Variants in RBBP8 observed in about 807,000 individuals in gnomAD.
RBBP8 encodes DNA endonuclease RBBP8.
In RBBP8, 88 loss-of-function variants were observed where a neutral mutation model predicts 108.3. That is an observed-to-expected ratio of 0.81 (90% CI 0.68 to 0.97). The LOEUF (loss-of-function observed/expected upper bound fraction) is 0.97, where lower values mean the gene tolerates loss of function less well. RBBP8 is among the 50% of genes least tolerant of loss of function. RBBP8 has a pLI of 0.00. For missense variants in RBBP8, 1,023 were observed against 1,049.0 expected, an observed-to-expected ratio of 0.98 and a Z score of 0.34; for synonymous variants, 332 against 348.2, an observed-to-expected ratio of 0.95 and a Z score of 0.52.
chr18:22,931,692 A>G (rs1335938181), upstream of RBBP8, among the ~76,000 whole-genome samples: 2 of 152,122 alleles, frequency 1.3e-5, no homozygotes, highest in African/African-American at 4.8e-5. Flanking sequence ...ATTATCCTCA[A>G]TTTACAGGTA....
At chr18:22,976,399 C>G (rs1318619701) in intron 6 of RBBP8, among the ~76,000 whole-genome samples, 1 of 152,130 alleles carries the variant, frequency 6.6e-6, no homozygotes, top group South Asian at 2.1e-4. Flanking sequence ...CACAGATCCA[C>G]AATCTGTTAC....
chr18:23,011,060 T>C (rs1490924732), intron 16 of RBBP8, among the ~76,000 whole-genome samples: 1 of 152,234 alleles, frequency 6.6e-6, no homozygotes, highest in South Asian at 2.1e-4. Context: ...TGGTTTCCCT[T>C]TTCTAATTCA....
chr18:22,938,675 T>C (rs1910786698), intron 2 of RBBP8, among the ~76,000 whole-genome samples: 1 of 152,248 alleles, frequency 6.6e-6, no homozygotes, highest in Non-Finnish European at 1.5e-5. Context: ...TCTGATTTCA[T>C]TTACCCACTT....
At chr18:22,959,388 T>C (rs1912871952) in intron 4 of RBBP8, among the ~76,000 whole-genome samples, 1 of 152,210 alleles carries the variant, frequency 6.6e-6, no homozygotes, top group Non-Finnish European at 1.5e-5. Context: ...CTGAAATTTT[T>C]CCTTGTTCTG....
chr18:22,990,783 C>T (rs1915627154), intron 9 of RBBP8, among the ~76,000 whole-genome samples, 154 bp from the exon 10 acceptor site: 1 of 152,186 alleles, frequency 6.6e-6, no homozygotes, highest in Non-Finnish European at 1.5e-5. Context: ...CTGAATATTT[C>T]ATATAAATGG....
chr18:23,013,465 A>G (rs781628276), intron 16 of RBBP8, among the ~76,000 whole-genome samples: 18 of 152,178 alleles, frequency 1.2e-4, no homozygotes, highest in African/African-American at 3.4e-4. Flanking sequence ...GTCAGAATGT[A>G]GGGTCTGAAA....
chr18:22,945,611 T>C (rs1241479489), intron 2 of RBBP8, among the ~76,000 whole-genome samples: 5 of 152,094 alleles, frequency 3.3e-5, no homozygotes, highest in African/African-American at 9.7e-5. Flanking sequence ...TCGGAACTCT[T>C]GACCTCGGGT....
intron 12 of RBBP8, among the ~76,000 whole-genome samples, chr18:22,995,527 G>A (rs911188464): frequency 2.0e-5 from 3 of 152,116 alleles, no homozygotes; most frequent in African/African-American, 7.2e-5. Flanking sequence ...AACCATCACT[G>A]TAGTCTAGGT....
intron 18 of RBBP8, among the ~76,000 whole-genome samples, chr18:23,023,062 CTT>C (rs111634268): frequency 6.8e-6 from 1 of 146,580 alleles, no homozygotes; most frequent in African/African-American, 2.5e-5. Flanking sequence ...ATACCCAGCA[CTT>C]TTTTTTTTTT....
At position 22,966,694 on chromosome 18, in the gene RBBP8, C is replaced by CCA. The variant is rs554006025; in HGVS notation, c.249-2109_249-2108dup. The stretch of plus-strand genomic sequence containing the variant: ...GGCATATGCTACCATGCTGTGACTT[C>CCA]CACAGACACTTAAATACTTACTATC... On this transcript the variant is annotated intron_variant, in intron 4 of 18. Transcript: ENST00000327155. Among the ~76,000 whole-genome samples, 37 of 149,626 alleles carry CCA rather than the reference C, an allele frequency of 2.5e-4. No individual in the cohort carries two copies. In the South Asian group the frequency reaches 7.6e-3, roughly 31 times the overall value.
intron 18 of RBBP8, among the ~76,000 whole-genome samples, chr18:23,022,611 A>ATAAAG: frequency 1.1e-5 from 1 of 90,800 alleles, no homozygotes; most frequent in African/African-American, 3.0e-5. Context: ...CAAAAATAAA[A>ATAAAG]TAAAATAAAA....
intron 4 of RBBP8, among the ~76,000 whole-genome samples, chr18:22,959,280 A>G (rs1371132408): frequency 6.6e-6 from 1 of 152,182 alleles, no homozygotes; most frequent in Non-Finnish European, 1.5e-5. Context: ...TTTCCCTGAA[A>G]ACTTTGAAGG....
chr18:22,996,529 C>T (rs773130324), intron 13 of RBBP8, 67 bp downstream of exon 13: 31 of 1,584,548 alleles, frequency 2.0e-5, no homozygotes, highest in Non-Finnish European at 2.7e-5. Flanking sequence ...TCAACCTCCT[C>T]TCGTGACTCA....
intron 16 of RBBP8, among the ~76,000 whole-genome samples, chr18:23,012,437 G>A (rs1208004464): frequency 2.0e-5 from 3 of 152,176 alleles, no homozygotes; most frequent in Non-Finnish European, 4.4e-5. Flanking sequence ...CTACTCCAGT[G>A]AACACATCAA....
chr18:22,970,766 T>A (rs936119721), intron 5 of RBBP8, among the ~76,000 whole-genome samples: 23 of 152,342 alleles, frequency 1.5e-4, no homozygotes, highest in African/African-American at 5.3e-4. Flanking sequence ...GAGTTATTTA[T>A]ATATTATGGA....
rs34780140 is a variant in RBBP8, at chr18:22,993,471, T to C, written c.1644T>C (p.Asp548=). ...ATGGCAACTGCACGTTGCCCAAAGA[T>C]TCCCCAGGGGAGCCCTGTTCACAGG... is the stretch of plus-strand genomic sequence containing the variant. ...ASDGNCTLPK[D]SPGEPCSQEC... Residue 548 remains aspartate (D), a synonymous_variant, in exon 11 of 19, where the codon GAT becomes GAC. Transcript: ENST00000327155. The C allele has an allele frequency of 9.6e-3, 15,441 of 1,614,198 alleles. 94 individuals carry two copies. The highest frequency in any genetic ancestry group is 0.011 in the Non-Finnish European group (13,296 of 1,180,000).
At chr18:22,957,607 G>GT (rs1912695904) in intron 4 of RBBP8, among the ~76,000 whole-genome samples, 1 of 151,898 alleles carries the variant, frequency 6.6e-6, no homozygotes, top group Admixed American at 6.6e-5. Context: ...CCCTTTACCT[G>GT]TTACATAGCT....
chr18:22,984,890 G>T lies in RBBP8; in HGVS notation c.609G>T (p.Met203Ile). 6.3e-7 allele frequency: 1 copy of T among 1,583,498 alleles called. No individual in the cohort carries two copies. Among genetic ancestry groups the T allele is most frequent in the South Asian group, 1.1e-5 (1 of 89,652 alleles). Residue 203 changes from methionine (M) to isoleucine (I), a missense_variant, in exon 8 of 19, where the codon ATG (methionine) becomes ATT (isoleucine). By Grantham distance (10) the Met-to-Ile change is conservative. Coordinates refer to ENST00000327155, the MANE Select transcript of RBBP8 (RefSeq NM_002894.3). Reference protein sequence around the residue: ...KLEHSVCANEMRKVSKSSTHP... With the variant: ...KLEHSVCANEIRKVSKSSTHP... ...CTTATTTTTTTCTCCCCTTAGAAAT[G>T]AGAAAAGTTTCCAAGTCTTCAACTC...
At chr18:22,968,659 A>G (rs1292923689) in intron 4 of RBBP8, 147 bp from the exon 5 acceptor site, 18 of 638,658 alleles carry the variant, frequency 2.8e-5, no homozygotes, top group Admixed American at 7.7e-5. Context: ...CTATATAAGA[A>G]TATGTTAAAG....
Sources: allele counts gnomAD v4.1 joint callset (sites outside exome capture counted in the v4.1 genomes callset), GRCh38; gene constraint gnomAD v4.1.1; transcripts MANE v1.5; gene names NCBI Gene and HGNC (gene_info 2026-07-23, HGNC 2026-07-21).